ADAMTS17: variants seen among roughly 807,000 people sequenced by gnomAD.
The protein encoded by ADAMTS17 is ADAM metallopeptidase with thrombospondin type 1 motif 17, also known as A disintegrin and metalloproteinase with thrombospondin motifs 17.
ADAMTS17 carries 113 observed loss-of-function variants against 141.5 expected under a neutral mutation model. That is an observed-to-expected ratio of 0.80 (90% confidence interval 0.69 to 0.93). ADAMTS17 has a LOEUF of 0.93. Among genes scored for constraint, ADAMTS17 ranks in the 40% least tolerant of loss-of-function variants. ADAMTS17 has a pLI of 0.00. For synonymous variants in ADAMTS17, 768 were observed against 630.6 expected (o/e 1.22, Z -3.27); for missense variants, 1,659 against 1,517.9 (o/e 1.09, Z -1.54).
chr15:99,984,045 A>G (rs2060533257), intron 20 of ADAMTS17, among the ~76,000 whole-genome samples: 1 of 151,994 alleles, frequency 6.6e-6, no homozygotes, highest in South Asian at 2.1e-4. Context: ...GAAACAGGAA[A>G]TGCTTCCCAG....
intron 3 of ADAMTS17, among the ~76,000 whole-genome samples, chr15:100,308,140 A>G (rs1442216867): frequency 3.3e-5 from 5 of 152,146 alleles, no homozygotes; most frequent in Non-Finnish European, 5.9e-5. Flanking sequence ...TTACCAAAAC[A>G]TCATACCCCT....
chr15:100,333,730 G>A (rs933068194), intron 2 of ADAMTS17, among the ~76,000 whole-genome samples: 2 of 152,312 alleles, frequency 1.3e-5, no homozygotes, highest in African/African-American at 4.8e-5. Flanking sequence ...CCATCTATGC[G>A]GGGAAGGGAG....
At chr15:100,059,452 CAT>C (rs10546888) in intron 15 of ADAMTS17, among the ~76,000 whole-genome samples, 24,813 of 152,114 alleles carry the variant, frequency 0.16, 2,681 homozygotes, top group African/African-American at 0.3. Context: ...AGCCAGGAGG[CAT>C]AGGGGTTACT....
At chr15:100,124,749 A>G (rs1235200481) in intron 12 of ADAMTS17, among the ~76,000 whole-genome samples, 2 of 151,044 alleles carry the variant, frequency 1.3e-5, no homozygotes, top group Admixed American at 6.7e-5. Flanking sequence ...AGAGTAAGGT[A>G]GAGAGGCTTT....
At chr15:100,277,238 T>C (rs1184328421) in intron 4 of ADAMTS17, among the ~76,000 whole-genome samples, 1 of 151,968 alleles carries the variant, frequency 6.6e-6, no homozygotes, top group African/African-American at 2.4e-5. Flanking sequence ...AGCCCCGGGC[T>C]CTTGAGCCAC....
intron 4 of ADAMTS17, among the ~76,000 whole-genome samples, chr15:100,277,060 C>T (rs2044122342): frequency 6.6e-6 from 1 of 152,114 alleles, no homozygotes; most frequent in African/African-American, 2.4e-5. Context: ...TGCTTCCATT[C>T]GCCTTCTGGC....
intron 18 of ADAMTS17, among the ~76,000 whole-genome samples, chr15:100,047,357 C>G (rs918875618): frequency 2.3e-5 from 3 of 132,622 alleles, no homozygotes; most frequent in African/African-American, 9.6e-5. Flanking sequence ...AGTACGTGAT[C>G]TCTGTGACCC....
intron 7 of ADAMTS17, among the ~76,000 whole-genome samples, chr15:100,228,757 T>G (rs1227365186): frequency 2.6e-5 from 4 of 152,234 alleles, no homozygotes; most frequent in African/African-American, 7.2e-5. Context: ...ATGCTCTGCC[T>G]GGCAAGGGCA....
intron 20 of ADAMTS17, chr15:99,979,388 C>CAA (rs66540461): frequency 0.59 from 83,681 of 142,632 alleles, 25,426 homozygotes; most frequent in Non-Finnish European, 0.69. Flanking sequence ...GACTCCATCT[C>CAA]AAAAAAAAAA....
At chr15:100,136,772 A>C (rs1214590926) in intron 10 of ADAMTS17, among the ~76,000 whole-genome samples, 2 of 152,258 alleles carry the variant, frequency 1.3e-5, no homozygotes. Flanking sequence ...GGAAGGTCTT[A>C]TTCTCAGATT....
At chr15:99,986,176 C>G (rs1459913169) in intron 20 of ADAMTS17, among the ~76,000 whole-genome samples, 2 of 152,250 alleles carry the variant, frequency 1.3e-5, no homozygotes, top group Non-Finnish European at 2.9e-5. Flanking sequence ...GTTCAGGCCC[C>G]ACCAAAGCAA....
At chr15:100,253,212 C>A (rs1340610440) in intron 7 of ADAMTS17, among the ~76,000 whole-genome samples, 1 of 151,278 alleles carries the variant, frequency 6.6e-6, no homozygotes, top group Non-Finnish European at 1.5e-5. Flanking sequence ...AAACTGGAAA[C>A]ACCCTTGGCA....
At chr15:100,229,449 C>T (rs1261237265) in intron 7 of ADAMTS17, among the ~76,000 whole-genome samples, 3 of 152,192 alleles carry the variant, frequency 2.0e-5, no homozygotes, top group African/African-American at 7.2e-5. Context: ...GACAATCACT[C>T]TTATTTCAGT....
At chr15:99,996,712 C>CT (rs1381233722) in intron 19 of ADAMTS17, among the ~76,000 whole-genome samples, 1 of 152,076 alleles carries the variant, frequency 6.6e-6, no homozygotes, top group African/African-American at 2.4e-5. Context: ...ATGAGCGTCT[C>CT]TGAGTTTTCT....
chr15:100,223,221 G>C (rs28441576), intron 7 of ADAMTS17, among the ~76,000 whole-genome samples: 1 of 152,164 alleles, frequency 6.6e-6, no homozygotes, highest in Non-Finnish European at 1.5e-5. Flanking sequence ...GGACAGCCAC[G>C]CCTTAGCTCC....
intron 15 of ADAMTS17, among the ~76,000 whole-genome samples, chr15:100,068,211 G>C (rs192688121): frequency 1.3e-5 from 2 of 152,032 alleles, no homozygotes; most frequent in Admixed American, 1.3e-4. Flanking sequence ...GGGGAGGGGC[G>C]CCCGCCATTG....
At chr15:100,316,837 C>T (rs1207557864) in intron 3 of ADAMTS17, among the ~76,000 whole-genome samples, 1 of 152,254 alleles carries the variant, frequency 6.6e-6, no homozygotes, top group Non-Finnish European at 1.5e-5. Context: ...AACAGGCTGA[C>T]TTGTCCCAGC....
At chr15:100,165,342 T>C (rs1478895883) in intron 8 of ADAMTS17, among the ~76,000 whole-genome samples, 1 of 152,210 alleles carries the variant, frequency 6.6e-6, no homozygotes, top group African/African-American at 2.4e-5. Context: ...CCTAGGTCTA[T>C]GTAATGCACC....
intron 7 of ADAMTS17, among the ~76,000 whole-genome samples, chr15:100,215,237 A>G (rs1201044893): frequency 3.9e-5 from 6 of 152,224 alleles, no homozygotes; most frequent in Admixed American, 3.9e-4. Flanking sequence ...CAAACTTCCC[A>G]AAGTGAAGCA....
Sources: allele counts gnomAD v4.1 joint callset (sites outside exome capture counted in the v4.1 genomes callset), GRCh38; gene constraint gnomAD v4.1.1; transcripts MANE v1.5; gene names NCBI Gene and HGNC (gene_info 2026-07-23, HGNC 2026-07-21).